The following PRKRIP1 variants were observed in gnomAD, a reference collection of about 807,000 sequenced individuals.
PRKRIP1 encodes PRKR interacting protein 1.
A neutral mutation model predicts 29.3 loss-of-function variants in PRKRIP1; 29 were observed. That is an observed-to-expected ratio of 0.99 (90% CI 0.74 to 1.35). The LOEUF (loss-of-function observed/expected upper bound fraction) is 1.35, where lower values mean the gene tolerates loss of function less well. PRKRIP1 is among the 40% of genes most tolerant of loss of function. The probability of loss-of-function intolerance (pLI) is 0.00; values close to 1 mark genes in which losing one functional copy is unlikely to be tolerated. For synonymous variants in PRKRIP1, 90 were observed against 85.1 expected, an observed-to-expected ratio of 1.06 and a Z score of -0.32; for missense variants, 247 against 236.8, an observed-to-expected ratio of 1.04 and a Z score of -0.28.
chr7:102,398,995 G>T (rs138031150), intron 2 of PRKRIP1, among the ~76,000 whole-genome samples: 19 of 152,126 alleles, frequency 1.2e-4, no homozygotes, highest in African/African-American at 4.6e-4. Flanking sequence ...AGTGGTGCAT[G>T]CCTCTGGTCC....
At chr7:102,423,347 C>T (rs1433033162) in intron 5 of PRKRIP1, 5 of 369,966 alleles carry the variant, frequency 1.4e-5, no homozygotes, top group African/African-American at 4.3e-5. Flanking sequence ...AACTCCTGAC[C>T]TCGTGATCCA....
chr7:102,415,530 C>G (rs1328505265), intron 5 of PRKRIP1, among the ~76,000 whole-genome samples: 2 of 152,382 alleles, frequency 1.3e-5, no homozygotes, highest in Middle Eastern at 6.8e-3. Flanking sequence ...GCCACCGCAC[C>G]CAGCCCCAAA....
chr7:102,404,862 A>G (rs1009280150), intron 4 of PRKRIP1, among the ~76,000 whole-genome samples, 179 bp downstream of exon 4: 24 of 151,860 alleles, frequency 1.6e-4, no homozygotes, highest in African/African-American at 5.1e-4. Context: ...CTGGTTACAG[A>G]TTGTCCAGAG....
chr7:102,425,034 C>CAGGG lies in PRKRIP1; in HGVS notation c.479_482dup (p.Ser162GlyfsTer58). On this transcript the variant is annotated frameshift_variant, in exon 6 of 6. Transcript: ENST00000397912. LOFTEE classifies it high-confidence loss of function. ...TACAGGACCCGGTCAGCCCAAGGAG[C>CAGGG]AGGGGTCCAGCAGCTCTGCGGAGGC... 3 of 1,613,764 alleles carry CAGGG rather than the reference C, an allele frequency of 1.9e-6. No homozygotes were observed. The highest frequency in any genetic ancestry group is 2.5e-6 in the Non-Finnish European group (3 of 1,179,910).
chr7:102,402,670 T>C (rs1158955627), intron 3 of PRKRIP1, among the ~76,000 whole-genome samples: 1 of 152,036 alleles, frequency 6.6e-6, no homozygotes, highest in African/African-American at 2.4e-5. Flanking sequence ...AGATTCTTAT[T>C]TTGGATGGCA....
chr7:102,419,285 G>T (rs1215943386), intron 5 of PRKRIP1, among the ~76,000 whole-genome samples: 1 of 151,968 alleles, frequency 6.6e-6, no homozygotes, highest in African/African-American at 2.4e-5. Flanking sequence ...ACTGTGGCGG[G>T]CACCTGTTAT....
chr7:102,417,349 G>A (rs568409146), intron 5 of PRKRIP1, among the ~76,000 whole-genome samples: 15 of 152,248 alleles, frequency 9.9e-5, no homozygotes, highest in Non-Finnish European at 1.8e-4. Context: ...CATAGGGAGT[G>A]TGGGGCTGTG....
At chr7:102,409,638 C>T (rs564800359) in intron 5 of PRKRIP1, among the ~76,000 whole-genome samples, 2 of 152,026 alleles carry the variant, frequency 1.3e-5, no homozygotes, top group East Asian at 1.9e-4. Flanking sequence ...GTCTGGGCAA[C>T]ATAGTGAGAC....
chr7:102,396,411 C>CT lies in PRKRIP1; in HGVS notation c.-1_1insT, dbSNP rs782200073. 4 of 1,565,322 alleles carry CT rather than the reference C, an allele frequency of 2.6e-6. No homozygotes were observed. In the South Asian group the frequency reaches 4.6e-5, roughly 18 times the overall value. On this transcript the variant is annotated 5_prime_UTR_variant, in exon 1 of 6. Transcript: ENST00000397912. ...CTCGCTTGTGAAACTGGAAGGCTGC[C>CT]ATGGCTAGCCCAGCCGCCTCCTCGG...
intron 5 of PRKRIP1, among the ~76,000 whole-genome samples, chr7:102,413,239 T>C (rs968797635): frequency 5.9e-5 from 9 of 151,922 alleles, no homozygotes; most frequent in African/African-American, 2.2e-4. Context: ...TGCACCCCAG[T>C]GGGGGAGGAG....
At chr7:102,402,507 A>G (rs1332113627) in intron 3 of PRKRIP1, among the ~76,000 whole-genome samples, 10 of 152,252 alleles carry the variant, frequency 6.6e-5, no homozygotes, top group African/African-American at 2.4e-4. Context: ...CTATCAGAAG[A>G]AACACTTTTA....
intron 5 of PRKRIP1, among the ~76,000 whole-genome samples, chr7:102,414,902 AT>A (rs1221622969): frequency 1.3e-5 from 2 of 152,038 alleles, no homozygotes; most frequent in East Asian, 1.9e-4. Context: ...GAAAAAAAAA[AT>A]AATAATAAAG....
intron 4 of PRKRIP1, among the ~76,000 whole-genome samples, chr7:102,406,420 T>A (rs1472474112): frequency 6.6e-6 from 1 of 152,156 alleles, no homozygotes; most frequent in Non-Finnish European, 1.5e-5. Flanking sequence ...TGTTGTTGCG[T>A]AGAGTAAGAG....
In PRKRIP1 at chr7:102,425,069, A is replaced by AGAG. The variant is rs782152293; in HGVS notation, c.525_527dup (p.Glu176dup). 3.5e-5 allele frequency: 57 copies of AGAG among 1,613,508 alleles called. No individual in the cohort carries two copies. Among genetic ancestry groups the AGAG allele is most frequent in the Non-Finnish European group, 4.5e-5 (53 of 1,179,934 alleles). On this transcript the variant is annotated inframe_insertion, in exon 6 of 6. Coordinates refer to ENST00000397912, the MANE Select transcript of PRKRIP1 (RefSeq NM_024653.4). ...GCAGCTCTGCGGAGGCATCTGGAAC[A>AGAG]GAGGAGGAGGAGGAAGTGCCCAGTT...
chr7:102,421,004 C>T (rs782216790), intron 5 of PRKRIP1, among the ~76,000 whole-genome samples: 3 of 152,146 alleles, frequency 2.0e-5, no homozygotes, highest in Admixed American at 1.3e-4. Flanking sequence ...ATGCCCCACA[C>T]GGTGCCCAGA....
chr7:102,398,360 C>T (rs1310955407), intron 2 of PRKRIP1, among the ~76,000 whole-genome samples: 4 of 152,052 alleles, frequency 2.6e-5, no homozygotes, highest in Admixed American at 6.6e-5. Flanking sequence ...TCTCGGCTCA[C>T]TGCAACCTCC....
At chr7:102,423,704 A>T (rs1796764427) in intron 5 of PRKRIP1, among the ~76,000 whole-genome samples, 1 of 145,848 alleles carries the variant, frequency 6.9e-6, no homozygotes, top group Non-Finnish European at 1.5e-5. Flanking sequence ...TTTAAACTTT[A>T]AAAAAAAAAA....
chr7:102,424,888 C>T, intron 5 of PRKRIP1, 126 bp from the exon 6 acceptor site: 1 of 928,944 alleles, frequency 1.1e-6, no homozygotes, highest in Admixed American at 2.9e-5. Context: ...TGAGGCATGA[C>T]CCTGGTTTCT....
Position 102,426,125 on chromosome 7 carries a change from C to CCCGG in PRKRIP1, c.*1016_*1019dup, listed in dbSNP as rs1327171734. On this transcript the variant is annotated 3_prime_UTR_variant, in exon 6 of 6. Transcript: ENST00000397912. ...AAGGCACCTGCAGAGAGCAGGGCAGCCCGGCGCAGGGGCATGCGCCTAGAA... is the reference window on the plus strand; with the variant it reads ...AAGGCACCTGCAGAGAGCAGGGCAGCCCGGCCGGCGCAGGGGCATGCGCCTAGAA... The CCCGG allele has an allele frequency of 1.0e-4, 16 of 152,864 alleles. No individual in the cohort carries two copies. The highest frequency in any genetic ancestry group is 2.2e-4 in the Non-Finnish European group (15 of 68,306). The allele number at this position is 152,864 out of a possible 1,614,324, so 9.5% of individuals were successfully genotyped here. A position where few individuals can be genotyped will look rare whatever the true frequency, so the allele number is the denominator to read the frequency against.
Sources: gnomAD v4.1 joint callset for allele counts (sites outside exome capture counted in the v4.1 genomes callset) on GRCh38, gnomAD v4.1.1 for gene constraint, MANE v1.5 for transcripts, NCBI Gene and HGNC (gene_info 2026-07-23, HGNC 2026-07-21) for gene names.